The following PCDHB16 variants were observed in gnomAD, a reference collection of about 807,000 sequenced individuals.
PCDHB16 encodes the protein protocadherin beta 16.
For synonymous variants in PCDHB16, 444 were observed against 436.5 expected (o/e 1.02, Z -0.21); for missense variants, 1,026 against 989.9 (o/e 1.04, Z -0.49).
Position 141,184,644 on chromosome 5 carries a change from C to T in PCDHB16, c.2085C>T (p.Ala695=). The T allele has an allele frequency of 6.2e-7, 1 of 1,612,574 alleles. No individual in the cohort carries two copies. The highest frequency in any genetic ancestry group is 2.2e-5 in the East Asian group (1 of 44,868). Residue 695 remains alanine (A), a synonymous_variant, in exon 1 of 1, where the codon GCC becomes GCT. Coordinates refer to ENST00000609684, the MANE Select transcript of PCDHB16 (RefSeq NM_020957.4). The part of the protein sequence containing the change: ...SLTVYLVVAL[A]SVSSLFLFSV... ...CTGTCTACCTGGTGGTGGCGTTGGCCTCGGTGTCGTCGCTCTTCCTCTTTT... is the reference window on the plus strand; with the variant it reads ...CTGTCTACCTGGTGGTGGCGTTGGCTTCGGTGTCGTCGCTCTTCCTCTTTT...
In PCDHB16 at chr5:141,183,836, T is replaced by A. The variant is rs782761339; in HGVS notation, c.1277T>A (p.Met426Lys). The change falls in exon 1 of 1, where the codon ATG becomes AAG. Residue 426 changes from methionine to lysine, a missense_variant. Physicochemically the swap from Met to Lys is moderately conservative, Grantham distance 95. Coordinates refer to ENST00000609684, the MANE Select transcript of PCDHB16 (RefSeq NM_020957.4). ...AATATCACCCTCACCGTCACAGATA[T>A]GGGGACTCCAAGGCTGAAAACGGAG... The part of the protein sequence containing the change: ...EYNITLTVTD[M>K]GTPRLKTEHN... The A allele has an allele frequency of 1.2e-6, 2 of 1,614,182 alleles. No homozygotes were observed. Among genetic ancestry groups the A allele is most frequent in the African/African-American group, 2.7e-5 (2 of 75,058 alleles).
rs985002098 is a variant in PCDHB16 at position 141,183,147 on chromosome 5, G to T, written c.588G>T (p.Leu196Phe). 1.2e-6 allele frequency: 2 copies of T among 1,614,148 alleles called. No individual in the cohort carries two copies. Among genetic ancestry groups the T allele is most frequent in the Admixed American group, 1.7e-5 (1 of 60,032 alleles). Residue 196 changes from leucine to phenylalanine, a missense_variant, in exon 1 of 1, where the codon TTG (leucine) becomes TTT (phenylalanine). Coordinates refer to ENST00000609684, the MANE Select transcript of PCDHB16 (RefSeq NM_020957.4). ...RDGRKYPELV[L>F]DKELDREEEP... is the part of the protein sequence containing the mutation. Reference sequence around the variant, plus strand: ...GCAGGAAATACCCTGAGCTAGTGTTGGATAAAGAGCTGGATCGGGAGGAGG... The same window carrying T: ...GCAGGAAATACCCTGAGCTAGTGTTTGATAAAGAGCTGGATCGGGAGGAGG...
rs1554282531 is a variant in PCDHB16 at position 141,185,329 on chromosome 5, C to G, written c.*439C>G. On this transcript the variant is annotated 3_prime_UTR_variant, in exon 1 of 1. Coordinates refer to ENST00000609684, the MANE Select transcript of PCDHB16 (RefSeq NM_020957.4). ...ACATTTCTTTTGTCTATTTTCCTTT[C>G]AAAATTGGTATTTTTGTTGGGCTCA... The G allele has an allele frequency of 3.4e-6, 3 of 885,968 alleles. No homozygotes were observed. Among genetic ancestry groups the G allele is most frequent in the African/African-American group, 1.8e-5 (1 of 54,662 alleles). The allele number at this position is 885,968 out of a possible 1,614,324, so 54.9% of individuals were successfully genotyped here. A position where few individuals can be genotyped will look rare whatever the true frequency, so the allele number is the denominator to read the frequency against.
Position 141,183,332 on chromosome 5 carries a change from G to C in PCDHB16, c.773G>C (p.Gly258Ala). ...CAGATTCCAGAGAACAGTCCTCTTGGCTCCCTGGTTGCCACCGTCTCCGCC... is the reference window on the plus strand; with the variant it reads ...CAGATTCCAGAGAACAGTCCTCTTGCCTCCCTGGTTGCCACCGTCTCCGCC... Reference protein sequence around the residue: ...KVQIPENSPLGSLVATVSARD... With the variant: ...KVQIPENSPLASLVATVSARD... The change falls in exon 1 of 1, where the codon GGC becomes GCC. Residue 258 changes from glycine to alanine, a missense_variant. Gly to Ala is a moderately conservative substitution (Grantham distance 60). Transcript: ENST00000609684. 4 of 1,614,176 alleles carry C rather than the reference G, an allele frequency of 2.5e-6. No homozygotes were observed. Among genetic ancestry groups the C allele is most frequent in the Non-Finnish European group, 3.4e-6 (4 of 1,180,038 alleles).
Position 141,185,181 on chromosome 5 carries a change from C to T in PCDHB16, c.*291C>T, listed in dbSNP as rs538610508. 200 of 1,122,834 alleles carry T rather than the reference C, an allele frequency of 1.8e-4. 3 individuals are homozygous for T. In the South Asian group the frequency reaches 5.8e-3, roughly 32 times the overall value. 69.6% of individuals were successfully genotyped at this position (1,122,834 alleles called of 1,614,324 possible). A position where few individuals can be genotyped will look rare whatever the true frequency, so the allele number is the denominator to read the frequency against. ...AAGTTGATGTCATTTAAAATTTTTC[C>T]GTCTTTATATTTTATTTACTTCCTA... On this transcript the variant is annotated 3_prime_UTR_variant, in exon 1 of 1. Transcript: ENST00000609684.
chr5:141,183,693 T>C lies in PCDHB16; in HGVS notation c.1134T>C (p.Asn378=), dbSNP rs782267788. The part of the protein sequence containing the change: ...FSVSDPDSGN[N]GKTISSIQED... ...TTTCAGATCCTGACTCCGGAAACAA[T>C]GGGAAGACGATTTCCTCCATCCAGG... The change falls in exon 1 of 1, where the codon AAT becomes AAC. Residue 378 remains asparagine (N), a synonymous_variant. Coordinates refer to ENST00000609684, the MANE Select transcript of PCDHB16 (RefSeq NM_020957.4). 3 of 1,614,170 alleles carry C rather than the reference T, an allele frequency of 1.9e-6. No individual in the cohort carries two copies. Among genetic ancestry groups the C allele is most frequent in the African/African-American group, 1.3e-5 (1 of 75,046 alleles).
rs782345033 is a variant in PCDHB16 at position 141,183,695 on chromosome 5, G to C, written c.1136G>C (p.Gly379Ala). 3.1e-6 allele frequency: 5 copies of C among 1,614,116 alleles called. No individual in the cohort carries two copies. The South Asian group carries it at 3.3e-5, about 11-fold the overall frequency. Residue 379 changes from glycine to alanine, a missense_variant, in exon 1 of 1, where the codon GGG becomes GCG. By Grantham distance (60) the Gly-to-Ala change is moderately conservative (BLOSUM62 0). Coordinates refer to ENST00000609684, the MANE Select transcript of PCDHB16 (RefSeq NM_020957.4). ...SVSDPDSGNNGKTISSIQEDL... is the reference protein window; with the variant it reads ...SVSDPDSGNNAKTISSIQEDL... Reference sequence around the variant, plus strand: ...TCAGATCCTGACTCCGGAAACAATGGGAAGACGATTTCCTCCATCCAGGAA... The same window carrying C: ...TCAGATCCTGACTCCGGAAACAATGCGAAGACGATTTCCTCCATCCAGGAA...
At position 141,183,607 on chromosome 5, in the gene PCDHB16, T is replaced by A. The variant is rs782617674; in HGVS notation, c.1048T>A (p.Ser350Thr). 5 of 1,614,008 alleles carry A rather than the reference T, an allele frequency of 3.1e-6. No homozygotes were observed. The African/African-American group carries it at 5.3e-5, about 17-fold the overall frequency. Residue 350 changes from serine (S) to threonine (T), a missense_variant, in exon 1 of 1, where the codon TCT (serine) becomes ACT (threonine). Coordinates refer to ENST00000609684, the MANE Select transcript of PCDHB16 (RefSeq NM_020957.4). ...VNDNPPQVTM[S>T]ALTSPIPENS... ...TGACAATCCCCCACAGGTGACCATG[T>A]CTGCACTCACCAGCCCCATCCCAGA...
chr5:141,185,782 G>C lies in PCDHB16; in HGVS notation c.*892G>C. 1.0e-6 allele frequency: 1 copy of C among 981,652 alleles called. No individual in the cohort carries two copies. The highest frequency in any genetic ancestry group is 1.2e-6 in the Non-Finnish European group (1 of 813,390). 60.8% of individuals were successfully genotyped at this position (981,652 alleles called of 1,614,324 possible). A position where few individuals can be genotyped will look rare whatever the true frequency, so the allele number is the denominator to read the frequency against. On this transcript the variant is annotated 3_prime_UTR_variant, in exon 1 of 1. Transcript: ENST00000609684. Reference sequence around the variant, plus strand: ...AAAAAAGTTCTATTTTCCCTGTATTGGTATCTCCTTAAATAAAATAAAATA... The same window carrying C: ...AAAAAAGTTCTATTTTCCCTGTATTCGTATCTCCTTAAATAAAATAAAATA...
chr5:141,184,838 A>C lies in PCDHB16; in HGVS notation c.2279A>C (p.Glu760Ala). 1.2e-6 allele frequency: 2 copies of C among 1,614,200 alleles called. No individual in the cohort carries two copies. The highest frequency in any genetic ancestry group is 1.7e-6 in the Non-Finnish European group (2 of 1,180,034). ...GAGGTGTGTCTGACAGGAGGCTCAG[A>C]AACAAGTGAGTTCAAGTTCCTGAAG... is the stretch of plus-strand genomic sequence containing the variant. ...QYEVCLTGGS[E>A]TSEFKFLKPI... is the part of the protein sequence containing the mutation. Residue 760 changes from glutamate to alanine, a missense_variant, in exon 1 of 1, where the codon GAA becomes GCA. Coordinates refer to ENST00000609684, the MANE Select transcript of PCDHB16 (RefSeq NM_020957.4).
At position 141,185,567 on chromosome 5, in the gene PCDHB16, T is replaced by C. The variant is rs538140444; in HGVS notation, c.*677T>C. ...CTTGGACTATAGGTGCATGCCACCA[T>C]GCCTGGCTAATCTTTTGCAGCGATG... On this transcript the variant is annotated 3_prime_UTR_variant, in exon 1 of 1. Coordinates refer to ENST00000609684, the MANE Select transcript of PCDHB16 (RefSeq NM_020957.4). The C allele has an allele frequency of 1.5e-5, 5 of 341,520 alleles. No individual in the cohort carries two copies. Among genetic ancestry groups the C allele is most frequent in the Non-Finnish European group, 2.1e-5 (5 of 240,450 alleles). The allele number at this position is 341,520 out of a possible 1,614,324, so 21.2% of individuals were successfully genotyped here.
chr5:141,183,553 A>C lies in PCDHB16; in HGVS notation c.994A>C (p.Thr332Pro). ...TDGGGLSGKCTLLLQVVDVND... is the reference protein window; with the variant it reads ...TDGGGLSGKCPLLLQVVDVND... ...TGGGGGAGGTCTTTCAGGAAAGTGC[A>C]CTCTTCTCCTGCAGGTGGTGGACGT... The change falls in exon 1 of 1, where the codon ACT becomes CCT. Residue 332 changes from threonine to proline, a missense_variant. Transcript: ENST00000609684. The C allele has an allele frequency of 6.2e-7, 1 of 1,613,940 alleles. No individual in the cohort carries two copies. The highest frequency in any genetic ancestry group is 1.7e-5 in the Admixed American group (1 of 60,004).
chr5:141,183,933 G>A lies in PCDHB16; in HGVS notation c.1374G>A (p.Leu458=). The change falls in exon 1 of 1, where the codon CTG becomes CTA. Residue 458 remains leucine (L), a synonymous_variant. Coordinates refer to ENST00000609684, the MANE Select transcript of PCDHB16 (RefSeq NM_020957.4). ...CTTTCACCCAAACCTCCTACACCCT[G>A]TTCGTCCGCGAGAACAACAGCCCCG... The part of the protein sequence containing the change: ...APTFTQTSYT[L]FVRENNSPAL... 1 of 1,613,872 alleles carries A rather than the reference G, an allele frequency of 6.2e-7. No individual in the cohort carries two copies. Among genetic ancestry groups the A allele is most frequent in the Non-Finnish European group, 8.5e-7 (1 of 1,179,982 alleles).
chr5:141,182,644 G>T lies in PCDHB16; in HGVS notation c.85G>T (p.Glu29Ter), dbSNP rs896546276. ...VLLSLSGAGAELGSYSVVEET... is the reference protein window; with the variant it reads ...VLLSLSGAGA The stretch of plus-strand genomic sequence containing the variant: ...GCTGAGCTTGTCTGGGGCGGGCGCC[G>T]AGTTGGGGTCCTATTCCGTAGTGGA... Residue 29 changes from glutamate (E) to a stop codon, truncating the protein, a stop_gained, in exon 1 of 1, where the codon GAG (glutamate) becomes TAG (stop). Coordinates refer to ENST00000609684, the MANE Select transcript of PCDHB16 (RefSeq NM_020957.4). LOFTEE classifies it low-confidence loss of function (END_TRUNC). 1.9e-6 allele frequency: 3 copies of T among 1,583,892 alleles called. No homozygotes were observed. The highest frequency in any genetic ancestry group is 1.7e-4 in the Middle Eastern group (1 of 5,878).
chr5:141,186,222 T>C lies in PCDHB16; in HGVS notation c.*1332T>C. On this transcript the variant is annotated 3_prime_UTR_variant, in exon 1 of 1. Coordinates refer to ENST00000609684, the MANE Select transcript of PCDHB16 (RefSeq NM_020957.4). The stretch of plus-strand genomic sequence containing the variant: ...TGAATAAAATTCTATGTGAGTCAGA[T>C]TTAATAATTTGTTTTCACTTTCAAT... 1 of 989,404 alleles carries C rather than the reference T, an allele frequency of 1.0e-6. No individual in the cohort carries two copies. The highest frequency in any genetic ancestry group is 1.2e-6 in the Non-Finnish European group (1 of 820,454). 61.3% of individuals were successfully genotyped at this position (989,404 alleles called of 1,614,324 possible). A position where few individuals can be genotyped will look rare whatever the true frequency, so the allele number is the denominator to read the frequency against.
rs1435024289 is a variant in PCDHB16 at position 141,183,806 on chromosome 5, A to C, written c.1247A>C (p.Glu416Ala). ...ERALDREARA[E>A]YNITLTVTDM... is the part of the protein sequence containing the mutation. ...GCACTCGACAGAGAAGCAAGAGCTGAATATAATATCACCCTCACCGTCACA... is the reference window on the plus strand; with the variant it reads ...GCACTCGACAGAGAAGCAAGAGCTGCATATAATATCACCCTCACCGTCACA... Residue 416 changes from glutamate (E) to alanine (A), a missense_variant, in exon 1 of 1, where the codon GAA becomes GCA. Transcript: ENST00000609684. 3 of 1,614,226 alleles carry C rather than the reference A, an allele frequency of 1.9e-6. No individual in the cohort carries two copies. Among genetic ancestry groups the C allele is most frequent in the Non-Finnish European group, 2.5e-6 (3 of 1,180,044 alleles).
At position 141,185,840 on chromosome 5, in the gene PCDHB16, C is replaced by G. The variant is rs1173761791; in HGVS notation, c.*950C>G. ...TGTAAGTGATATGAGAAATCTTTAA[C>G]CAGCCTTATCTAAAAATAAAAAGAG... On this transcript the variant is annotated 3_prime_UTR_variant, in exon 1 of 1. Transcript: ENST00000609684. 1.0e-6 allele frequency: 1 copy of G among 989,814 alleles called. No homozygotes were observed. The allele number at this position is 989,814 out of a possible 1,614,324, so 61.3% of individuals were successfully genotyped here. A position where few individuals can be genotyped will look rare whatever the true frequency, so the allele number is the denominator to read the frequency against.
chr5:141,184,601 C>T lies in PCDHB16; in HGVS notation c.2042C>T (p.Thr681Ile), dbSNP rs782277599. Residue 681 changes from threonine to isoleucine, a missense_variant, in exon 1 of 1, where the codon ACC becomes ATC. By Grantham distance (89) the Thr-to-Ile change is moderately conservative (BLOSUM62 -1). Coordinates refer to ENST00000609684, the MANE Select transcript of PCDHB16 (RefSeq NM_020957.4). ...CTCCCAGAGGCGGCCCCCGGCCAGA[C>T]CCAGGCCAACTCGCTCACTGTCTAC... ...LPLPEAAPGQ[T>I]QANSLTVYLV... 5.0e-6 allele frequency: 8 copies of T among 1,612,592 alleles called. No individual in the cohort carries two copies. The highest frequency in any genetic ancestry group is 6.8e-6 in the Non-Finnish European group (8 of 1,179,796).
chr5:141,184,338 C>G lies in PCDHB16; in HGVS notation c.1779C>G (p.Asp593Glu), dbSNP rs782675149. The change falls in exon 1 of 1, where the codon GAC (aspartate) becomes GAG (glutamate). Residue 593 changes from aspartate (D) to glutamate (E), a missense_variant. Physicochemically the swap from Asp to Glu is conservative, Grantham distance 45 (BLOSUM62 2). Transcript: ENST00000609684. ...TGGTGACCAAGGTGGTGGCGGTGGA[C>G]GGCGACTCGGGCCAGAATGCCTGGC... is the stretch of plus-strand genomic sequence containing the variant. ...GYLVTKVVAV[D>E]GDSGQNAWLS... The G allele has an allele frequency of 1.3e-6, 2 of 1,596,752 alleles. No homozygotes were observed. Among genetic ancestry groups the G allele is most frequent in the African/African-American group, 2.7e-5 (2 of 74,204 alleles).
Sources: gnomAD v4.1 joint callset for allele counts on GRCh38, gnomAD v4.1.1 for gene constraint, MANE v1.5 for transcripts, NCBI Gene and HGNC (gene_info 2026-07-23, HGNC 2026-07-21) for gene names.